USP42: variants seen among roughly 807,000 people sequenced by gnomAD.
USP42 encodes the protein ubiquitin specific peptidase 42.
In USP42, 23 loss-of-function variants were observed where a neutral mutation model predicts 113.0. That is an observed-to-expected ratio of 0.20 (90% confidence interval 0.15 to 0.29). The LOEUF is 0.29. Among genes scored for constraint, USP42 ranks in the 10% least tolerant of loss-of-function variants. The pLI, the probability that USP42 is intolerant of heterozygous loss-of-function variation, is 1.00. For synonymous variants in USP42, 933 were observed against 699.0 expected (o/e 1.33, Z -5.28); for missense variants, 2,174 against 1,779.8 (o/e 1.22, Z -3.99).
chr7:6,109,700 CT>C (rs34684085), intron 1 of USP42, among the ~76,000 whole-genome samples: 14,935 of 125,490 alleles, frequency 0.12, 1,383 homozygotes, highest in African/African-American at 0.29. Flanking sequence ...CCCGCCCGGC[CT>C]TTTTTTTTTT....
In USP42 at chr7:6,114,412, C is replaced by T. The variant is rs373490173; in HGVS notation, c.242-911C>T. 1.2e-4 allele frequency among the ~76,000 whole-genome samples: 19 copies of T among 152,026 alleles called. No homozygotes were observed. The East Asian group carries it at 3.1e-3, about 25-fold the overall frequency. ...TCATGTAGCCGTCAACCAACTTTGACATTTATCAACTTACGGGCAGTGATA... is the reference window on the plus strand; with the variant it reads ...TCATGTAGCCGTCAACCAACTTTGATATTTATCAACTTACGGGCAGTGATA... On this transcript the variant is annotated intron_variant, in intron 2 of 17. Transcript: ENST00000306177.
In USP42 at chr7:6,149,834, G is replaced by A; in HGVS notation, c.1638G>A (p.Leu546=). 1 of 1,614,012 alleles carries A rather than the reference G, an allele frequency of 6.2e-7. No individual in the cohort carries two copies. Among genetic ancestry groups the A allele is most frequent in the Non-Finnish European group, 8.5e-7 (1 of 1,179,898 alleles). ...AACCTAACCTTCATAGTAATTCTTT[G>A]GAGAACCCTACCAAGCCCGTTCCCT... ...QSQPNLHSNS[L]ENPTKPVPSS... The change falls in exon 13 of 18, where the codon TTG becomes TTA. Residue 546 remains leucine (L), a synonymous_variant. Coordinates refer to ENST00000306177, the MANE Select transcript of USP42 (RefSeq NM_032172.3).
chr7:6,145,938 C>T (rs1781694308), intron 10 of USP42, among the ~76,000 whole-genome samples: 2 of 152,110 alleles, frequency 1.3e-5, no homozygotes, highest in African/African-American at 4.8e-5. Flanking sequence ...CGTGTGGTGG[C>T]ACCTGCCAGT....
chr7:6,149,957 C>T lies in USP42; in HGVS notation c.1761C>T (p.Ser587=). ...CAAAACCGATCCCCCGCAGTGAATC[C>T]TGCTCCCAGCCCGTGATGAATGGCA... ...KVTKPIPRSE[S]CSQPVMNGKS... is the part of the protein sequence containing the mutation. Residue 587 remains serine, a synonymous_variant, in exon 13 of 18, where the codon TCC becomes TCT. Coordinates refer to ENST00000306177, the MANE Select transcript of USP42 (RefSeq NM_032172.3). 6.2e-7 allele frequency: 1 copy of T among 1,614,012 alleles called. No individual in the cohort carries two copies. The highest frequency in any genetic ancestry group is 1.3e-5 in the African/African-American group (1 of 75,078).
chr7:6,125,182 AC>A (rs1477791695), intron 3 of USP42, among the ~76,000 whole-genome samples: 5,048 of 136,248 alleles, frequency 0.037, 204 homozygotes, highest in African/African-American at 0.073. Context: ...CTCTGTCTCA[AC>A]AAAAAAAAAA....
Position 6,139,970 on chromosome 7 carries a change from A to G in USP42, c.657-158A>G, listed in dbSNP as rs541478594. The G allele has an allele frequency of 6.1e-4, 433 of 706,014 alleles. 9 individuals are homozygous for G. The South Asian group carries it at 6.8e-3, about 11-fold the overall frequency. 43.7% of individuals were successfully genotyped at this position (706,014 alleles called of 1,614,324 possible). A position where few individuals can be genotyped will look rare whatever the true frequency, so the allele number is the denominator to read the frequency against. ...CTCCCTGTGTTCTGGCCAGGAAGGGATGCTCTTGGGCTGCCACACGTGCCA... is the reference window on the plus strand; with the variant it reads ...CTCCCTGTGTTCTGGCCAGGAAGGGGTGCTCTTGGGCTGCCACACGTGCCA... On this transcript the variant is annotated intron_variant, in intron 5 of 17. Coordinates refer to ENST00000306177, the MANE Select transcript of USP42 (RefSeq NM_032172.3). This position sits in a 1 kb window ranked among gnomAD's most constrained non-coding sequence, Gnocchi z 4.5.
chr7:6,116,059 G>A lies in USP42; in HGVS notation c.442+536G>A, dbSNP rs371275688. 4.0e-3 allele frequency among the ~76,000 whole-genome samples: 597 copies of A among 147,968 alleles called. 2 individuals carry two copies. The highest frequency in any genetic ancestry group is 0.014 in the African/African-American group (571 of 39,832). The stretch of plus-strand genomic sequence containing the variant: ...GTTGAGACTGCAGTGAGCTGTGATC[G>A]CACTGCTGTACTTCAGCCTAGACAA... On this transcript the variant is annotated intron_variant, in intron 3 of 17. Transcript: ENST00000306177.
At chr7:6,151,853 C>G (rs182723499) in intron 14 of USP42, among the ~76,000 whole-genome samples, 20 of 152,266 alleles carry the variant, frequency 1.3e-4, no homozygotes, top group Non-Finnish European at 1.9e-4. Context: ...ACCACACTCA[C>G]GAGGCACGCG....
upstream of USP42, among the ~76,000 whole-genome samples, chr7:6,104,588 G>A (rs942234281): frequency 2.6e-5 from 4 of 152,334 alleles, no homozygotes; most frequent in African/African-American, 9.6e-5. Flanking sequence ...CGAGGCGAAA[G>A]CCCAAAGTCC....
rs982918807 is a variant in USP42 at position 6,158,274 on chromosome 7, C to T, written c.3944-1176C>T. On this transcript the variant is annotated intron_variant, in intron 16 of 17. Coordinates refer to ENST00000306177, the MANE Select transcript of USP42 (RefSeq NM_032172.3). This position sits in a 1 kb window ranked among gnomAD's most constrained non-coding sequence, Gnocchi z 4.2. Reference sequence around the variant, plus strand: ...TGAGTGGCTGCGGCAGGGCAGGGACCGTGTGGCTCGCAAAGCGGAAAATGT... The same window carrying T: ...TGAGTGGCTGCGGCAGGGCAGGGACTGTGTGGCTCGCAAAGCGGAAAATGT... 1.3e-5 allele frequency among the ~76,000 whole-genome samples: 2 copies of T among 152,176 alleles called. No individual in the cohort carries two copies. The highest frequency in any genetic ancestry group is 6.5e-5 in the Admixed American group (1 of 15,278).
intron 15 of USP42, among the ~76,000 whole-genome samples, chr7:6,155,541 T>G (rs1782396717): frequency 6.6e-6 from 1 of 152,146 alleles, no homozygotes; most frequent in African/African-American, 2.4e-5. Context: ...GACCTTAGAA[T>G]TGGTGTTAAT....
upstream of USP42, among the ~76,000 whole-genome samples, chr7:6,101,052 T>C (rs903627207): frequency 5.3e-5 from 8 of 150,690 alleles, no homozygotes; most frequent in Admixed American, 4.6e-4. Context: ...CAATTTGGCC[T>C]TGAGGGGAGC....
At chr7:6,099,275 C>T in the USP42 span, among the ~76,000 whole-genome samples, 2 of 128,464 alleles carry the variant, frequency 1.6e-5, no homozygotes, top group Non-Finnish European at 3.1e-5. Context: ...AGTGCAGTGG[C>T]GCGATCTCAG....
At position 6,135,528 on chromosome 7, in the gene USP42, G is replaced by C. The variant is rs530668113; in HGVS notation, c.443-313G>C. 2.0e-5 allele frequency among the ~76,000 whole-genome samples: 3 copies of C among 151,558 alleles called. No individual in the cohort carries two copies. In the South Asian group the frequency reaches 6.3e-4, roughly 32 times the overall value. Reference sequence around the variant, plus strand: ...TTAGCCAGGCATGGTGGCGCATGTAGTAGTCCCAGCTACTTGGGAGGCTGA... The same window carrying C: ...TTAGCCAGGCATGGTGGCGCATGTACTAGTCCCAGCTACTTGGGAGGCTGA... On this transcript the variant is annotated intron_variant, in intron 3 of 17. Coordinates refer to ENST00000306177, the MANE Select transcript of USP42 (RefSeq NM_032172.3).
chr7:6,127,405 A>G (rs138719544), intron 3 of USP42, among the ~76,000 whole-genome samples: 6 of 150,872 alleles, frequency 4.0e-5, no homozygotes, highest in Non-Finnish European at 8.8e-5. Context: ...TTTTTCCTGT[A>G]AGTTGTATTG....
chr7:6,128,551 G>A (rs1193957369), intron 3 of USP42, among the ~76,000 whole-genome samples: 1 of 152,146 alleles, frequency 6.6e-6, no homozygotes, highest in Non-Finnish European at 1.5e-5. Context: ...GTATCGTTGG[G>A]TTGTGCTGTT....
chr7:6,090,381 T>C, the USP42 span, among the ~76,000 whole-genome samples: 40 of 138,812 alleles, frequency 2.9e-4, 2 homozygotes, highest in East Asian at 5.1e-3. Context: ...TCTTTATATA[T>C]ATTATATAGG....
At chr7:6,103,917 C>G (rs962551663), upstream of USP42, among the ~76,000 whole-genome samples, 2 of 151,022 alleles carry the variant, frequency 1.3e-5, 1 homozygote, top group African/African-American at 4.9e-5. Flanking sequence ...CAAAAACAAA[C>G]AAACAAAAAC....
chr7:6,113,179 G>A lies in USP42; in HGVS notation c.241+1805G>A, dbSNP rs369608071. On this transcript the variant is annotated intron_variant, in intron 2 of 17. Transcript: ENST00000306177. ...CAGAGTGCTGGGATTACAGGTGTAGGCCACTGCACCCGGACAACAGTAAGT... is the reference window on the plus strand; with the variant it reads ...CAGAGTGCTGGGATTACAGGTGTAGACCACTGCACCCGGACAACAGTAAGT... Among the ~76,000 whole-genome samples, 25 of 152,114 alleles carry A rather than the reference G, an allele frequency of 1.6e-4. 1 individual carries two copies. In the South Asian group the frequency reaches 5.0e-3, roughly 30 times the overall value.
Sources: gnomAD v4.1 joint callset for allele counts (sites outside exome capture counted in the v4.1 genomes callset) on GRCh38, gnomAD v4.1.1 for gene constraint, Gnocchi (gnomAD v3.1) non-coding constraint, MANE v1.5 for transcripts, NCBI Gene and HGNC (gene_info 2026-07-23, HGNC 2026-07-21) for gene names.